CEP63: variants seen among roughly 807,000 people sequenced by gnomAD.
CEP63 encodes centrosomal protein of 63 kDa.
CEP63 carries 84 observed loss-of-function variants against 89.1 expected under a neutral mutation model. The observed-to-expected ratio is 0.94, with a 90% CI of 0.79 to 1.13. The LOEUF (loss-of-function observed/expected upper bound fraction) is 1.13. Ranked by LOEUF, CEP63 falls within the 50% of genes most tolerant of loss-of-function variation. CEP63 has a pLI of 0.00. For missense variants in CEP63, 838 were observed against 813.3 expected, an observed-to-expected ratio of 1.03 and a Z score of -0.37; for synonymous variants, 267 against 272.5, an observed-to-expected ratio of 0.98 and a Z score of 0.20.
chr3:134,686,027 G>T, the CEP63 span, among the ~76,000 whole-genome samples: 93,439 of 152,062 alleles, frequency 0.61, 29,774 homozygotes, highest in East Asian at 0.91. Context: ...GCAGGGCTGG[G>T]GTCCAAGCCC....
the CEP63 span, among the ~76,000 whole-genome samples, chr3:134,714,941 G>A: frequency 6.6e-6 from 1 of 152,334 alleles, no homozygotes; most frequent in Non-Finnish European, 1.5e-5. Context: ...TAAAGCCCAT[G>A]CATAAAGTGT....
At chr3:134,575,005 G>A (rs1958164113) in exon 12 of CEP63, 2 of 404,658 alleles carry the variant, frequency 4.9e-6, no homozygotes, top group Non-Finnish European at 4.4e-6. Flanking sequence ...ATATTGTAAA[G>A]AAAATTAACA....
the CEP63 span, among the ~76,000 whole-genome samples, chr3:134,652,215 A>G: frequency 1.3e-5 from 2 of 152,120 alleles, no homozygotes; most frequent in Non-Finnish European, 1.5e-5. Flanking sequence ...TGAGAATGGC[A>G]TGAATGTAAG....
the CEP63 span, among the ~76,000 whole-genome samples, chr3:134,637,884 G>A: frequency 5.9e-5 from 9 of 152,226 alleles, no homozygotes; most frequent in Admixed American, 5.2e-4. Flanking sequence ...GGGTGTTGAG[G>A]TGGGCTCATG....
In CEP63 at chr3:134,495,188, A is replaced by AT. The variant is rs1489515568; in HGVS notation, c.-25-102dup. 36 of 816,398 alleles carry AT rather than the reference A, an allele frequency of 4.4e-5. No homozygotes were observed. The South Asian group carries it at 5.2e-4, about 12-fold the overall frequency. The allele number at this position is 816,398 out of a possible 1,614,324, so 50.6% of individuals were successfully genotyped here. ...CTACAGTCATCTTAAGAAGTGCTGC[A>AT]TTTTTTCATTATTATGTATGCTTTC... On this transcript the variant is annotated intron_variant, in intron 1 of 14. Transcript: ENST00000675561.
chr3:134,588,151 G>C (rs538820310), downstream of CEP63, among the ~76,000 whole-genome samples: 1 of 152,080 alleles, frequency 6.6e-6, no homozygotes, highest in Non-Finnish European at 1.5e-5. Flanking sequence ...AAATCAGCTG[G>C]GTGTGGTGGC....
intron 10 of CEP63, among the ~76,000 whole-genome samples, chr3:134,581,955 G>T (rs570209271): frequency 6.6e-6 from 1 of 152,062 alleles, no homozygotes; most frequent in East Asian, 2.0e-4. Context: ...GATTACAGGC[G>T]TGAGCCACCG....
chr3:134,766,981 G>A, the CEP63 span, among the ~76,000 whole-genome samples: 1 of 152,150 alleles, frequency 6.6e-6, no homozygotes, highest in Non-Finnish European at 1.5e-5. Flanking sequence ...GTGTGCTTGG[G>A]ATTGATTAAA....
chr3:134,778,564 G>C, the CEP63 span, among the ~76,000 whole-genome samples: 1 of 151,316 alleles, frequency 6.6e-6, no homozygotes, highest in African/African-American at 2.4e-5. Context: ...TTTGTTTTCT[G>C]TTTTGTTTTT....
chr3:134,778,735 A>G, the CEP63 span, among the ~76,000 whole-genome samples: 75 of 150,896 alleles, frequency 5.0e-4, no homozygotes, highest in Admixed American at 1.1e-3. Context: ...ATTTTTTTGT[A>G]TTTTTTAGTA....
chr3:134,766,478 T>C, the CEP63 span, among the ~76,000 whole-genome samples: 3 of 152,260 alleles, frequency 2.0e-5, no homozygotes, highest in Non-Finnish European at 2.9e-5. Flanking sequence ...CAGACCTTTC[T>C]GGTGCTGCCT....
In CEP63 at chr3:134,537,246, C is replaced by A. The variant is rs1327099421; in HGVS notation, c.533C>A (p.Ala178Asp). The change falls in exon 6 of 15, where the codon GCT (alanine) becomes GAT (aspartate). Residue 178 changes from alanine (A) to aspartate (D), a missense_variant. Ala to Asp is a moderately radical substitution (Grantham distance 126, BLOSUM62 -2). Transcript: ENST00000675561. ...SSLEAQRKAL[A>D]EQSEIIQAQL... ...CTGGAGGCACAAAGGAAGGCTCTGGCTGAACAATCAGAGATAATTCAGGTA... is the reference window on the plus strand; with the variant it reads ...CTGGAGGCACAAAGGAAGGCTCTGGATGAACAATCAGAGATAATTCAGGTA... 8 of 1,609,952 alleles carry A rather than the reference C, an allele frequency of 5.0e-6. No homozygotes were observed. Among genetic ancestry groups the A allele is most frequent in the Non-Finnish European group, 6.8e-6 (8 of 1,176,220 alleles).
the CEP63 span, among the ~76,000 whole-genome samples, chr3:134,659,251 G>C: frequency 6.6e-6 from 1 of 152,202 alleles, no homozygotes; most frequent in Non-Finnish European, 1.5e-5. Context: ...ACCTAGCCAA[G>C]TGTTGATTAC....
chr3:134,529,695 A>T (rs553520153), intron 3 of CEP63, among the ~76,000 whole-genome samples: 2 of 148,764 alleles, frequency 1.3e-5, no homozygotes, highest in Admixed American at 1.3e-4. Context: ...TTTGTAGAGA[A>T]AGGGTCTCAC....
chr3:134,773,737 T>C, the CEP63 span, among the ~76,000 whole-genome samples: 4 of 152,086 alleles, frequency 2.6e-5, no homozygotes, highest in Non-Finnish European at 5.9e-5. Flanking sequence ...TGATTAAATG[T>C]TGCCTCCTCA....
chr3:134,512,462 C>T (rs958616575), intron 3 of CEP63, among the ~76,000 whole-genome samples: 1 of 152,142 alleles, frequency 6.6e-6, no homozygotes. Flanking sequence ...AAGTAACTTC[C>T]ATCATTATTA....
At chr3:134,509,680 A>G (rs1261651335) in intron 3 of CEP63, among the ~76,000 whole-genome samples, 2 of 152,208 alleles carry the variant, frequency 1.3e-5, no homozygotes, top group African/African-American at 2.4e-5. Flanking sequence ...AAGTAAAAAA[A>G]CAGATCTGTT....
At chr3:134,617,171 T>A in the CEP63 span, among the ~76,000 whole-genome samples, 2 of 152,206 alleles carry the variant, frequency 1.3e-5, no homozygotes, top group South Asian at 4.1e-4. Context: ...GCTAGAAAGC[T>A]TATACTGGAT....
the CEP63 span, among the ~76,000 whole-genome samples, chr3:134,711,043 ATTAGGAT>A: frequency 2.0e-5 from 3 of 152,072 alleles, no homozygotes; most frequent in African/African-American, 7.2e-5. Context: ...TTATTTCAAG[ATTAGGAT>A]TTAGCCCAAA....
Sources: gnomAD v4.1 joint callset for allele counts (sites outside exome capture counted in the v4.1 genomes callset) on GRCh38, gnomAD v4.1.1 for gene constraint, MANE v1.5 for transcripts, NCBI Gene and HGNC (gene_info 2026-07-23, HGNC 2026-07-21) for gene names.